The following GALNT9 variants were observed in gnomAD, a reference collection of about 807,000 sequenced individuals.
The protein encoded by GALNT9 is polypeptide N-acetylgalactosaminyltransferase 9.
In GALNT9, 47 loss-of-function variants were observed where a neutral mutation model predicts 63.1. The observed-to-expected ratio is 0.75, with a 90% CI of 0.59 to 0.95. The LOEUF (loss-of-function observed/expected upper bound fraction) is 0.95. Ranked by LOEUF, GALNT9 falls within the 40% of genes least tolerant of loss-of-function variation. The pLI is 0.00. For synonymous variants in GALNT9, 396 were observed against 365.7 expected (o/e 1.08, Z -0.94); for missense variants, 829 against 874.8 (o/e 0.95, Z 0.66).
Position 132,329,215 on chromosome 12 carries a change from C to T in GALNT9, c.-12G>A, listed in dbSNP as rs1314543184. The stretch of plus-strand genomic sequence containing the variant: ...CTGGCCACCGCCATGAACACGGCTG[C>T]AGCGGGGGCCTCACCCGCGGGGCAT... On this transcript the variant is annotated 5_prime_UTR_variant, in exon 1 of 11. Coordinates refer to ENST00000328957, the MANE Select transcript of GALNT9 (RefSeq NM_001122636.2). 4 of 1,537,494 alleles carry T rather than the reference C, an allele frequency of 2.6e-6. No individual in the cohort carries two copies. The African/African-American group carries it at 4.1e-5, about 16-fold the overall frequency.
rs563293732 is a variant in GALNT9 at position 132,298,792 on chromosome 12, G to A, written c.239-12362C>T. Among the ~76,000 whole-genome samples the A allele has an allele frequency of 2.3e-4, 33 of 143,282 alleles. 2 individuals carry two copies. The highest frequency in any genetic ancestry group is 7.8e-4 in the African/African-American group (30 of 38,318). The allele number at this position is 143,282 out of a possible 152,430, so 94.0% of individuals were successfully genotyped here. A position where few individuals can be genotyped will look rare whatever the true frequency, so the allele number is the denominator to read the frequency against. ...CCCAACACACCTAACCCATCCCTGAGATAACCAACCCACTCCTGAGATAAC... is the reference window on the plus strand; with the variant it reads ...CCCAACACACCTAACCCATCCCTGAAATAACCAACCCACTCCTGAGATAAC... On this transcript the variant is annotated intron_variant, in intron 1 of 10. Transcript: ENST00000328957.
intron 3 of GALNT9, 149 bp from the exon 4 acceptor site, chr12:132,261,271 G>A (rs576841582): frequency 6.6e-5 from 84 of 1,281,942 alleles, no homozygotes; most frequent in Middle Eastern, 2.5e-4. Context: ...GTGGTTCAGC[G>A]TGGAGGTCAC....
At chr12:132,277,449 C>T (rs1027951879) in intron 2 of GALNT9, 14 of 154,992 alleles carry the variant, frequency 9.0e-5, no homozygotes, top group African/African-American at 3.4e-4. Context: ...GTGCAGCGAC[C>T]AGACCGTCGT....
chr12:132,219,581 CTG>C (rs1185099484), intron 6 of GALNT9, among the ~76,000 whole-genome samples: 1 of 152,134 alleles, frequency 6.6e-6, no homozygotes, highest in Non-Finnish European at 1.5e-5. Context: ...GGAACAGACA[CTG>C]AAACCAGCTC....
Position 132,197,036 on chromosome 12 carries a change from C to CCGGTCA in GALNT9, c.*65_*70dup. ...TCCTGCTGTGTCTGCCGGGCACACCCCGGTCACTCAGCCACACTGGCTCGG... is the reference window on the plus strand; with the variant it reads ...TCCTGCTGTGTCTGCCGGGCACACCCCGGTCACGGTCACTCAGCCACACTGGCTCGG... On this transcript the variant is annotated 3_prime_UTR_variant, in exon 11 of 11. Transcript: ENST00000328957. 2 of 1,586,894 alleles carry CCGGTCA rather than the reference C, an allele frequency of 1.3e-6. No individual in the cohort carries two copies. Among genetic ancestry groups the CCGGTCA allele is most frequent in the African/African-American group, 1.3e-5 (1 of 74,696 alleles).
At position 132,246,730 on chromosome 12, in the gene GALNT9, A is replaced by C. The variant is rs1456640876; in HGVS notation, c.1077+1180T>G. On this transcript the variant is annotated intron_variant, in intron 6 of 10. Transcript: ENST00000328957. This position sits in a 1 kb window ranked among gnomAD's most constrained non-coding sequence, Gnocchi z 4.7. ...GTATTTTTAGTAGAGGCAGGGTTTT[A>C]CCATACTGGTCAGGCTGGTCTCGAA... Among the ~76,000 whole-genome samples the C allele has an allele frequency of 2.0e-5, 3 of 152,092 alleles. No individual in the cohort carries two copies. Among genetic ancestry groups the C allele is most frequent in the African/African-American group, 7.2e-5 (3 of 41,406 alleles).
intron 4 of GALNT9, among the ~76,000 whole-genome samples, chr12:132,258,253 C>T (rs1020435706): frequency 3.9e-5 from 6 of 152,328 alleles, no homozygotes; most frequent in African/African-American, 7.2e-5. Context: ...TGCCCAGCCC[C>T]GAGTCCCTCC....
chr12:132,240,937 GCCACA>G (rs1878283304), intron 6 of GALNT9, among the ~76,000 whole-genome samples: 3 of 47,544 alleles, frequency 6.3e-5, no homozygotes, highest in African/African-American at 2.9e-4. Flanking sequence ...TTACACACAC[GCCACA>G]CCCCCTTCCC....
At chr12:132,263,784 C>A (rs78978501) in intron 2 of GALNT9, among the ~76,000 whole-genome samples, 10,467 of 152,236 alleles carry the variant, frequency 0.069, 1,203 homozygotes, top group African/African-American at 0.24. Context: ...CCACAGGCAC[C>A]GGCTGGGCCC....
rs760437476 is a variant in GALNT9 at position 132,199,238 on chromosome 12, A to G, written c.1433T>C (p.Leu478Pro). Residue 478 changes from leucine to proline, a missense_variant, in exon 9 of 11, where the codon CTG becomes CCG. Leu to Pro is a moderately conservative substitution (Grantham distance 98, BLOSUM62 -3). Coordinates refer to ENST00000328957, the MANE Select transcript of GALNT9 (RefSeq NM_001122636.2). ...VRNSKASAYC[L>P]DQGAEDGDRA... is the part of the protein sequence containing the mutation. ...GTCGCCGTCCTCCGCTCCCTGGTCCAGACAGTAGGCACTGGCTTTGCTGTT... is the reference window on the plus strand; with the variant it reads ...GTCGCCGTCCTCCGCTCCCTGGTCCGGACAGTAGGCACTGGCTTTGCTGTT... 3.1e-6 allele frequency: 5 copies of G among 1,605,110 alleles called. No homozygotes were observed. The African/African-American group carries it at 6.7e-5, about 21-fold the overall frequency.
At position 132,310,277 on chromosome 12, in the gene GALNT9, A is replaced by G. The variant is rs1555245067; in HGVS notation, c.238+18689T>C. Among the ~76,000 whole-genome samples, 6 of 152,126 alleles carry G rather than the reference A, an allele frequency of 3.9e-5. No individual in the cohort carries two copies. The highest frequency in any genetic ancestry group is 2.9e-5 in the Non-Finnish European group (2 of 68,036). Reference sequence around the variant, plus strand: ...CGGCCACACCGCGGTTCGGCATTTCAGTTGGGGTCGGTAACACGCAGAAGT... The same window carrying G: ...CGGCCACACCGCGGTTCGGCATTTCGGTTGGGGTCGGTAACACGCAGAAGT... On this transcript the variant is annotated intron_variant, in intron 1 of 10. Transcript: ENST00000328957. This position sits in a 1 kb window ranked among gnomAD's most constrained non-coding sequence, Gnocchi z 4.8.
intron 2 of GALNT9, among the ~76,000 whole-genome samples, chr12:132,271,337 C>T (rs1555240704): frequency 6.6e-6 from 1 of 152,192 alleles, no homozygotes; most frequent in African/African-American, 2.4e-5. Context: ...GCCCGGCTCC[C>T]ACCCGTCACT....
intron 6 of GALNT9, among the ~76,000 whole-genome samples, chr12:132,213,512 C>T (rs983883296): frequency 1.3e-5 from 2 of 151,374 alleles, no homozygotes; most frequent in African/African-American, 4.9e-5. Flanking sequence ...CACACAGGCG[C>T]ACTCACACAC....
intron 6 of GALNT9, chr12:132,205,497 C>T (rs1876622812): frequency 6.6e-6 from 1 of 151,910 alleles, no homozygotes; most frequent in South Asian, 2.1e-4. Flanking sequence ...CAACCCAGAG[C>T]CTCCTCGCTG....
intron 6 of GALNT9, among the ~76,000 whole-genome samples, chr12:132,211,964 G>A (rs922167973): frequency 2.0e-5 from 3 of 152,252 alleles, no homozygotes; most frequent in African/African-American, 4.8e-5. Context: ...GATGTGAGGT[G>A]CTGCTGGGAC....
chr12:132,276,591 A>T (rs1227424254), intron 2 of GALNT9: 1 of 154,570 alleles, frequency 6.5e-6, no homozygotes, highest in Non-Finnish European at 1.5e-5. Flanking sequence ...ATTAATATGC[A>T]TGAGGAGTCC....
At chr12:132,206,901 C>T (rs1426369279) in intron 6 of GALNT9, among the ~76,000 whole-genome samples, 1 of 152,098 alleles carries the variant, frequency 6.6e-6, no homozygotes, top group Non-Finnish European at 1.5e-5. Context: ...ACCACCTCCA[C>T]AGAAAAAAAC....
intron 2 of GALNT9, among the ~76,000 whole-genome samples, chr12:132,269,221 G>A (rs1555240500): frequency 6.6e-6 from 1 of 152,092 alleles, no homozygotes; most frequent in African/African-American, 2.4e-5. Flanking sequence ...AGCGTCACCT[G>A]CCCGACTGCG....
rs1269130517 is a variant in GALNT9 at position 132,282,412 on chromosome 12, CGTGTGTGT to C, written c.419+3830_419+3837del. 1.4e-5 allele frequency among the ~76,000 whole-genome samples: 2 copies of C among 148,116 alleles called. No homozygotes were observed. The highest frequency in any genetic ancestry group is 6.6e-5 in the Admixed American group (1 of 15,140). ...AAAAATACGTGTGTGCGCGTGTGTGCGTGTGTGTGCGTGTGTGCGTGCATGCGTGTGTG... is the reference window on the plus strand; with the variant it reads ...AAAAATACGTGTGTGCGCGTGTGTGCGCGTGTGTGCGTGCATGCGTGTGTG... On this transcript the variant is annotated intron_variant, in intron 2 of 10. Coordinates refer to ENST00000328957, the MANE Select transcript of GALNT9 (RefSeq NM_001122636.2). The surrounding 1 kb of genome is among the most constrained non-coding windows in gnomAD (Gnocchi z 4.5).
Sources: gnomAD v4.1 joint callset for allele counts (sites outside exome capture counted in the v4.1 genomes callset) on GRCh38, gnomAD v4.1.1 for gene constraint, Gnocchi (gnomAD v3.1) non-coding constraint, MANE v1.5 for transcripts, NCBI Gene and HGNC (gene_info 2026-07-23, HGNC 2026-07-21) for gene names.